Variants in SUPT3H observed in about 807,000 individuals in gnomAD.
SUPT3H encodes the protein SPT3 homolog, SAGA and STAGA complex component.
SUPT3H carries 44 observed loss-of-function variants against 44.3 expected under a neutral mutation model. The observed-to-expected ratio is 0.99, with a 90% CI of 0.78 to 1.28. SUPT3H has a LOEUF of 1.28. Among genes scored for constraint, SUPT3H ranks in the 50% most tolerant of loss-of-function variants. SUPT3H has a pLI of 0.00. For missense variants in SUPT3H, 380 were observed against 387.1 expected (o/e 0.98, Z 0.15); for synonymous variants, 124 against 125.6 (o/e 0.99, Z 0.09).
At position 45,053,350 on chromosome 6, in the gene SUPT3H, A is replaced by C. The variant is rs143728585; in HGVS notation, c.187-32718T>G. On this transcript the variant is annotated intron_variant, in intron 3 of 10. Coordinates refer to ENST00000371459, the MANE Select transcript of SUPT3H (RefSeq NM_003599.4). ...CAACAGCAATTGGTGGCAAGTAATC[A>C]GGAATACCAAGTGTGGCTAACAGAA... Among the ~76,000 whole-genome samples the C allele has an allele frequency of 2.1e-3, 325 of 152,230 alleles. 1 individual carries two copies. Among genetic ancestry groups the C allele is most frequent in the African/African-American group, 7.5e-3 (311 of 41,556 alleles).
intron 5 of SUPT3H, among the ~76,000 whole-genome samples, chr6:45,009,495 G>A (rs537587383): frequency 1.3e-5 from 2 of 152,234 alleles, no homozygotes; most frequent in Non-Finnish European, 2.9e-5. Flanking sequence ...TGTGTACTGT[G>A]TTGTTGTAGG....
chr6:44,891,647 G>T (rs75436103), intron 10 of SUPT3H, among the ~76,000 whole-genome samples: 2,489 of 152,030 alleles, frequency 0.016, 31 homozygotes, highest in Non-Finnish European at 0.025. Flanking sequence ...GTTTCTGTTT[G>T]GGATGATAAA....
rs574226257 is a variant in SUPT3H, at chr6:45,296,234, T to C, written c.101+68967A>G. Among the ~76,000 whole-genome samples, 5 of 138,374 alleles carry C rather than the reference T, an allele frequency of 3.6e-5. 1 individual carries two copies. The highest frequency in any genetic ancestry group is 8.2e-5 in the Non-Finnish European group (5 of 61,158). The allele number at this position is 138,374 out of a possible 152,430, so 90.8% of individuals were successfully genotyped here. ...CACACAATGCAACACTACTCAACCATAAAAACGAATGAACTAATGGCATTC... is the reference window on the plus strand; with the variant it reads ...CACACAATGCAACACTACTCAACCACAAAAACGAATGAACTAATGGCATTC... On this transcript the variant is annotated intron_variant, in intron 2 of 10. Transcript: ENST00000371459.
chr6:45,245,676 A>G (rs1771211276), intron 2 of SUPT3H, among the ~76,000 whole-genome samples: 1 of 152,124 alleles, frequency 6.6e-6, no homozygotes, highest in South Asian at 2.1e-4. Context: ...TTTTTTATCC[A>G]TTCATCCACT....
intron 10 of SUPT3H, among the ~76,000 whole-genome samples, chr6:44,889,901 C>G (rs1292274834): frequency 2.0e-5 from 3 of 152,046 alleles, no homozygotes; most frequent in East Asian, 3.9e-4. Flanking sequence ...ACAATGAACT[C>G]CAACAAATTT....
At chr6:45,360,255 A>T (rs775973120) in intron 2 of SUPT3H, among the ~76,000 whole-genome samples, 2 of 152,208 alleles carry the variant, frequency 1.3e-5, no homozygotes, top group African/African-American at 2.4e-5. Flanking sequence ...GGGGAATAAT[A>T]GCATCTACCC....
At chr6:45,271,471 G>A (rs1013605715) in intron 2 of SUPT3H, among the ~76,000 whole-genome samples, 1 of 152,206 alleles carries the variant, frequency 6.6e-6, no homozygotes, top group African/African-American at 2.4e-5. Context: ...GAAGCCCCAA[G>A]TCTTGGCAGC....
At chr6:44,972,351 A>C (rs756703173) in intron 6 of SUPT3H, among the ~76,000 whole-genome samples, 52 of 152,148 alleles carry the variant, frequency 3.4e-4, no homozygotes, top group Admixed American at 9.8e-4. Context: ...TTTTGACTCC[A>C]TGTCTCATAT....
At chr6:44,855,184 A>T (rs946756152) in intron 10 of SUPT3H, among the ~76,000 whole-genome samples, 3 of 152,272 alleles carry the variant, frequency 2.0e-5, no homozygotes, top group African/African-American at 7.2e-5. Context: ...ATAATACCAC[A>T]CACTTAACTT....
chr6:45,022,538 T>G (rs1424889542), intron 3 of SUPT3H, among the ~76,000 whole-genome samples: 1 of 152,036 alleles, frequency 6.6e-6, no homozygotes, highest in Non-Finnish European at 1.5e-5. Context: ...TATTTACCTG[T>G]TTTTCTAATT....
intron 2 of SUPT3H, among the ~76,000 whole-genome samples, chr6:45,317,510 A>G (rs1784879553): frequency 6.6e-6 from 1 of 152,180 alleles, no homozygotes; most frequent in African/African-American, 2.4e-5. Flanking sequence ...CTAACGGAAC[A>G]GAACAGTGAA....
At chr6:45,166,302 G>A (rs1809834116) in intron 2 of SUPT3H, among the ~76,000 whole-genome samples, 1 of 151,786 alleles carries the variant, frequency 6.6e-6, no homozygotes, top group Non-Finnish European at 1.5e-5. Flanking sequence ...AAAAAGCAGG[G>A]AGAGGGCCAG....
chr6:44,998,019 C>T (rs1245536390), intron 6 of SUPT3H, among the ~76,000 whole-genome samples: 1 of 151,822 alleles, frequency 6.6e-6, no homozygotes, highest in Non-Finnish European at 1.5e-5. Context: ...ATTATATATA[C>T]TTTCAAATTA....
At chr6:45,218,140 C>T (rs1272337686) in intron 2 of SUPT3H, among the ~76,000 whole-genome samples, 2 of 151,870 alleles carry the variant, frequency 1.3e-5, no homozygotes, top group Non-Finnish European at 2.9e-5. Context: ...GAAGGTAATC[C>T]TTTGAAAGCA....
intron 9 of SUPT3H, 75 bp from the exon 10 acceptor site, chr6:44,932,838 T>A: frequency 1.0e-6 from 1 of 977,570 alleles, no homozygotes; most frequent in South Asian, 2.0e-5. Context: ...AATATGAAAA[T>A]AAACCTTTAC....
chr6:45,224,546 T>C (rs1240591821), intron 2 of SUPT3H, among the ~76,000 whole-genome samples: 1 of 152,038 alleles, frequency 6.6e-6, no homozygotes. Context: ...TTCAAAACTA[T>C]ACCCAACTGG....
chr6:45,003,762 T>C lies in SUPT3H; in HGVS notation c.395A>G (p.Lys132Arg). The C allele has an allele frequency of 6.2e-7, 1 of 1,613,804 alleles. No homozygotes were observed. The part of the protein sequence containing the change: ...DKLSGSNNAN[K>R]RQKIAQDFLN... The stretch of plus-strand genomic sequence containing the variant: ...GAAGTCCTGAGCAATCTTTTGTCTT[T>C]TGTTCGCATTATTGCTGCCACTCAA... The change falls in exon 6 of 11, where the codon AAA (lysine) becomes AGA (arginine). Residue 132 changes from lysine to arginine, a missense_variant. Transcript: ENST00000371459.
chr6:45,354,568 C>A (rs527310704), intron 2 of SUPT3H, among the ~76,000 whole-genome samples: 2 of 152,114 alleles, frequency 1.3e-5, no homozygotes, highest in African/African-American at 4.8e-5. Context: ...TAATAAGGGG[C>A]TTCACTGCAT....
rs572245243 is a variant in SUPT3H at position 44,933,519 on chromosome 6, T to A, written c.802-756A>T. On this transcript the variant is annotated intron_variant, in intron 9 of 10. Coordinates refer to ENST00000371459, the MANE Select transcript of SUPT3H (RefSeq NM_003599.4). ...ACCAGCTCTGCCAAGATACATAATATCTCGGGCCTCGGTTTCCTCACCTGT... is the reference window on the plus strand; with the variant it reads ...ACCAGCTCTGCCAAGATACATAATAACTCGGGCCTCGGTTTCCTCACCTGT... Among the ~76,000 whole-genome samples, 303 of 152,286 alleles carry A rather than the reference T, an allele frequency of 2.0e-3. 1 individual carries two copies. The highest frequency in any genetic ancestry group is 6.7e-3 in the African/African-American group (278 of 41,554).
Sources: allele counts gnomAD v4.1 joint callset (sites outside exome capture counted in the v4.1 genomes callset), GRCh38; gene constraint gnomAD v4.1.1; transcripts MANE v1.5; gene names NCBI Gene and HGNC (gene_info 2026-07-23, HGNC 2026-07-21).